Variants in ZFYVE16 observed in about 807,000 individuals in gnomAD.
The protein encoded by ZFYVE16 is zinc finger FYVE domain-containing protein 16.
Under a neutral mutation model 138.1 loss-of-function variants are expected in ZFYVE16, and 89 were observed. The ratio of observed to expected loss-of-function variants is 0.64; its 90% CI spans 0.54 to 0.77. The LOEUF is 0.77. ZFYVE16 is among the 30% of genes least tolerant of loss of function. The pLI is 0.00. For missense variants in ZFYVE16, 1,793 were observed against 1,786.7 expected (o/e 1.00, Z -0.06); for synonymous variants, 596 against 618.3 (o/e 0.96, Z 0.53).
In ZFYVE16 at chr5:80,427,725, A is replaced by G. The variant is rs1422105221; in HGVS notation, c.-40+180A>G. Among the ~76,000 whole-genome samples, 3 of 147,322 alleles carry G rather than the reference A, an allele frequency of 2.0e-5. No homozygotes were observed. In the East Asian group the frequency reaches 6.1e-4, roughly 30 times the overall value. ...TGCAGTGTCTCATGCCTGTAATCCC[A>G]GCACTTTGGGAGGCTGAGACGGGCA... On this transcript the variant is annotated intron_variant, in intron 2 of 18. Coordinates refer to ENST00000505560, the MANE Select transcript of ZFYVE16 (RefSeq NM_001284236.3).
rs547656108 is a variant in ZFYVE16 at position 80,475,525 on chromosome 5, A to G, written c.4461+695A>G. ...TTTCTTTATCCTCCCTCTCCGGCCA[A>G]GCAATCAGTGTTACTCATTTCTTAC... On this transcript the variant is annotated intron_variant, in intron 18 of 18. Coordinates refer to ENST00000505560, the MANE Select transcript of ZFYVE16 (RefSeq NM_001284236.3). 9.8e-5 allele frequency among the ~76,000 whole-genome samples: 15 copies of G among 152,326 alleles called. No individual in the cohort carries two copies. In the South Asian group the frequency reaches 3.1e-3, roughly 32 times the overall value.
chr5:80,457,206 CAAT>C lies in ZFYVE16; in HGVS notation c.3943+116_3943+118del, dbSNP rs1484312251. The C allele has an allele frequency of 1.2e-4, 166 of 1,420,390 alleles. 1 individual carries two copies. In the East Asian group the frequency reaches 4.3e-3, roughly 36 times the overall value. The allele number at this position is 1,420,390 out of a possible 1,614,324, so 88.0% of individuals were successfully genotyped here. A position where few individuals can be genotyped will look rare whatever the true frequency, so the allele number is the denominator to read the frequency against. The stretch of plus-strand genomic sequence containing the variant: ...ATTTGCTGAATTGTTGGTGATAAAA[CAAT>C]ATGTTTTGAAATTTCAGCTACACAA... On this transcript the variant is annotated intron_variant, in intron 14 of 18. Transcript: ENST00000505560.
chr5:80,446,157 A>G (rs1751325623), intron 7 of ZFYVE16, among the ~76,000 whole-genome samples: 1 of 152,000 alleles, frequency 6.6e-6, no homozygotes, highest in South Asian at 2.1e-4. Context: ...CGGCCTCCCA[A>G]AGTGCTGGTT....
At position 80,445,280 on chromosome 5, in the gene ZFYVE16, C is replaced by T. The variant is rs761045962; in HGVS notation, c.2599C>T (p.Gln867Ter). The stretch of plus-strand genomic sequence containing the variant: ...GATTCTAGGACTATGTTCCAAAGAA[C>T]AGAAGAGAGTATGGTTTGCAGATGG... ...PGVEGLCSKEQKRVWFADGIL... is the reference protein window; with the variant it reads ...PGVEGLCSKE Residue 867 changes from glutamine to a stop codon, truncating the protein, a stop_gained, in exon 7 of 19, where the codon CAG becomes TAG. Transcript: ENST00000505560. LOFTEE classifies it high-confidence loss of function. The T allele has an allele frequency of 3.1e-6, 5 of 1,613,310 alleles. No homozygotes were observed. In the South Asian group the frequency reaches 5.5e-5, roughly 18 times the overall value.
In ZFYVE16 at chr5:80,438,726, G is replaced by A. The variant is rs1016663172; in HGVS notation, c.2041G>A (p.Ala681Thr). The part of the protein sequence containing the change: ...PDTIESEPST[A>T]DTVVPITCAI... ...TACAATAGAAAGTGAACCCAGCACA[G>A]CAGATACCGTTGTTCCAATCACTTG... The change falls in exon 4 of 19, where the codon GCA (alanine) becomes ACA (threonine). Residue 681 changes from alanine to threonine, a missense_variant. This residue lies in a region of ZFYVE16 where 1,295 missense variants were observed against 1,204.3 expected (regional missense o/e 1.08). Coordinates refer to ENST00000505560, the MANE Select transcript of ZFYVE16 (RefSeq NM_001284236.3). 21 of 1,614,018 alleles carry A rather than the reference G, an allele frequency of 1.3e-5. No homozygotes were observed. The highest frequency in any genetic ancestry group is 8.0e-5 in the African/African-American group (6 of 74,934).
chr5:80,454,546 G>T (rs1159563951), intron 11 of ZFYVE16: 2 of 147,194 alleles, frequency 1.4e-5, no homozygotes, highest in African/African-American at 5.1e-5. Flanking sequence ...TCACTCTGTC[G>T]CCCAGGCTGG....
intron 16 of ZFYVE16, among the ~76,000 whole-genome samples, chr5:80,473,389 T>C (rs1341923872): frequency 6.6e-6 from 1 of 152,196 alleles, no homozygotes. Flanking sequence ...ACCCATTTTC[T>C]TTCTTTTTTT....
At chr5:80,427,597 C>G (rs1213628149) in intron 2 of ZFYVE16, 52 bp downstream of exon 2, 1 of 109,100 alleles carries the variant, frequency 9.2e-6, no homozygotes, top group African/African-American at 3.0e-5. Context: ...GTTTCTTGTG[C>G]CTCTGTCGTA....
chr5:80,433,672 A>T (rs1334950969), intron 2 of ZFYVE16, among the ~76,000 whole-genome samples: 1 of 152,092 alleles, frequency 6.6e-6, no homozygotes, highest in Admixed American at 6.5e-5. Flanking sequence ...TTCATTTGTT[A>T]GAATATAATT....
chr5:80,412,321 A>T (rs768267817), intron 1 of ZFYVE16, among the ~76,000 whole-genome samples: 16 of 152,162 alleles, frequency 1.1e-4, no homozygotes, highest in Admixed American at 8.5e-4. Context: ...AAAAATATAT[A>T]AATAGCCAAG....
In ZFYVE16 at chr5:80,437,293, G is replaced by A. The variant is rs1290996450; in HGVS notation, c.608G>A (p.Gly203Glu). 6.2e-7 allele frequency: 1 copy of A among 1,607,736 alleles called. No individual in the cohort carries two copies. The highest frequency in any genetic ancestry group is 1.3e-5 in the African/African-American group (1 of 74,574). Residue 203 changes from glycine (G) to glutamate (E), a missense_variant, in exon 4 of 19, where the codon GGA (glycine) becomes GAA (glutamate). Transcript: ENST00000505560. ...GAATTACAAAATAGAGAAATCGGAG[G>A]AATCAAAGAATTGGGTATAAAAGTA... Reference protein sequence around the residue: ...SSELQNREIGGIKELGIKVDT... With the variant: ...SSELQNREIGEIKELGIKVDT...
intron 1 of ZFYVE16, among the ~76,000 whole-genome samples, chr5:80,422,537 C>T (rs900388045): frequency 2.6e-5 from 4 of 152,088 alleles, no homozygotes; most frequent in Non-Finnish European, 5.9e-5. Flanking sequence ...TCACTGCAAC[C>T]TCCGCCTCCC....
At chr5:80,445,435 C>T (rs1356019667) in intron 7 of ZFYVE16, 30 bp downstream of exon 7, 1 of 1,581,268 alleles carries the variant, frequency 6.3e-7, no homozygotes, top group Non-Finnish European at 8.6e-7. Flanking sequence ...ACTTAATTGA[C>T]TAAACAAAAT....
chr5:80,466,098 G>A (rs1283791116), intron 15 of ZFYVE16, among the ~76,000 whole-genome samples: 1 of 151,314 alleles, frequency 6.6e-6, no homozygotes, highest in African/African-American at 2.4e-5. Context: ...CTAATTTTTT[G>A]TACTTTTAGT....
In ZFYVE16 at chr5:80,459,400, T is replaced by C. The variant is rs912057665; in HGVS notation, c.3944-14T>C. 4.4e-6 allele frequency: 7 copies of C among 1,607,434 alleles called. No homozygotes were observed. Among genetic ancestry groups the C allele is most frequent in the Non-Finnish European group, 5.9e-6 (7 of 1,177,070 alleles). On this transcript the variant is annotated splice_polypyrimidine_tract_variant and intron_variant, in intron 14 of 18. Transcript: ENST00000505560. ...AGCAGTTTAAAACAAATAATTGTTG[T>C]ATTTCTTGATCAGTGACAGGTGCAA...
At chr5:80,417,275 T>G (rs1394385216) in intron 1 of ZFYVE16, among the ~76,000 whole-genome samples, 1 of 152,214 alleles carries the variant, frequency 6.6e-6, no homozygotes, top group Non-Finnish European at 1.5e-5. Context: ...ACCTTATTCC[T>G]ACGTCCCCTG....
At chr5:80,423,254 G>A (rs1162688511) in intron 1 of ZFYVE16, among the ~76,000 whole-genome samples, 5 of 152,064 alleles carry the variant, frequency 3.3e-5, no homozygotes, top group Admixed American at 2.0e-4. Context: ...ACTTTTGGCC[G>A]TTTATATCAT....
intron 14 of ZFYVE16, 81 bp from the exon 15 acceptor site, chr5:80,459,333 A>G: frequency 8.4e-7 from 1 of 1,184,738 alleles, no homozygotes; most frequent in East Asian, 2.4e-5. Context: ...ACTTATATGC[A>G]TATCCACATT....
At position 80,457,143 on chromosome 5, in the gene ZFYVE16, G is replaced by A. The variant is rs946790429; in HGVS notation, c.3943+51G>A. On this transcript the variant is annotated intron_variant, in intron 14 of 18. Coordinates refer to ENST00000505560, the MANE Select transcript of ZFYVE16 (RefSeq NM_001284236.3). ...ATTTACAAAACCACCTCAATTAATAGAATTCCTTTCAAAGGGGAAATATAT... is the reference window on the plus strand; with the variant it reads ...ATTTACAAAACCACCTCAATTAATAAAATTCCTTTCAAAGGGGAAATATAT... 8 of 1,584,492 alleles carry A rather than the reference G, an allele frequency of 5.0e-6. No individual in the cohort carries two copies. In the African/African-American group the frequency reaches 9.6e-5, roughly 19 times the overall value.
Sources: allele counts gnomAD v4.1 joint callset (sites outside exome capture counted in the v4.1 genomes callset), GRCh38; gene constraint gnomAD v4.1.1; regional missense constraint gnomAD v4.1.1; transcripts MANE v1.5; gene names NCBI Gene and HGNC (gene_info 2026-07-23, HGNC 2026-07-21).